Variants in ARHGEF15 observed in about 807,000 individuals in gnomAD.
The protein encoded by ARHGEF15 is Rho guanine nucleotide exchange factor 15.
ARHGEF15 carries 58 observed loss-of-function variants against 79.7 expected under a neutral mutation model. That is an observed-to-expected ratio of 0.73 (90% CI 0.59 to 0.91). The LOEUF is 0.91. Ranked by LOEUF, ARHGEF15 falls within the 40% of genes least tolerant of loss-of-function variation. The pLI is 0.00. For missense variants in ARHGEF15, 1,012 were observed against 1,108.1 expected (o/e 0.91, Z 1.23); for synonymous variants, 442 against 456.0 (o/e 0.97, Z 0.39).
intron 4 of ARHGEF15, among the ~76,000 whole-genome samples, chr17:8,314,206 A>C (rs1429660530): frequency 6.6e-6 from 1 of 152,150 alleles, no homozygotes; most frequent in East Asian, 1.9e-4. Context: ...CTTCTATTGC[A>C]ATTATTGTCC....
intron 9 of ARHGEF15, among the ~76,000 whole-genome samples, chr17:8,316,806 C>T (rs906230422): frequency 6.6e-6 from 1 of 152,146 alleles, no homozygotes; most frequent in South Asian, 2.1e-4. Context: ...TCTCCTTCTT[C>T]GAGACGGAGT....
rs748002368 is a variant in ARHGEF15, at chr17:8,318,511, G to T, written c.1779+50G>T. On this transcript the variant is annotated intron_variant, in intron 10 of 15. Coordinates refer to ENST00000361926, the MANE Select transcript of ARHGEF15 (RefSeq NM_173728.4). The surrounding 1 kb of genome is among the most constrained non-coding windows in gnomAD (Gnocchi z 5.0). ...GGGGGAGGTGACAAGGTGGTAGAGA[G>T]AAATGGTAGGGAGCAGGGGGCTGGC... The T allele has an allele frequency of 2.5e-6, 4 of 1,613,434 alleles. No homozygotes were observed. Among genetic ancestry groups the T allele is most frequent in the Middle Eastern group, 1.7e-4 (1 of 6,058 alleles).
Position 8,312,534 on chromosome 17 carries a change from T to C in ARHGEF15, c.495T>C (p.Ala165=), listed in dbSNP as rs1166741235. The C allele has an allele frequency of 1.2e-6, 2 of 1,610,022 alleles. No individual in the cohort carries two copies. Among genetic ancestry groups the C allele is most frequent in the East Asian group, 2.2e-5 (1 of 44,808 alleles). The change falls in exon 2 of 16, where the codon GCT becomes GCC. Residue 165 remains alanine (A), a synonymous_variant. Transcript: ENST00000361926. The part of the protein sequence containing the change: ...GRFEGGAEGR[A]QDADAPEPGL... Reference sequence around the variant, plus strand: ...TTGAAGGGGGTGCTGAAGGCCGGGCTCAGGATGCAGATGCCCCGGAGCCAG... The same window carrying C: ...TTGAAGGGGGTGCTGAAGGCCGGGCCCAGGATGCAGATGCCCCGGAGCCAG...
In ARHGEF15 at chr17:8,312,006, G is replaced by A. The variant is rs771754235; in HGVS notation, c.-34G>A. The A allele has an allele frequency of 1.4e-5, 21 of 1,531,932 alleles. No individual in the cohort carries two copies. The highest frequency in any genetic ancestry group is 1.8e-5 in the Non-Finnish European group (20 of 1,142,658). The allele number at this position is 1,531,932 out of a possible 1,614,324, so 94.9% of individuals were successfully genotyped here. A position where few individuals can be genotyped will look rare whatever the true frequency, so the allele number is the denominator to read the frequency against. On this transcript the variant is annotated 5_prime_UTR_variant, in exon 2 of 16. Coordinates refer to ENST00000361926, the MANE Select transcript of ARHGEF15 (RefSeq NM_173728.4). ...TCCTCCTCAGGGGATGACTCCAGCA[G>A]AGCACCTCACTCCTTTGAAGAGCAC...
chr17:8,314,376 G>A (rs1287807787), intron 4 of ARHGEF15, among the ~76,000 whole-genome samples: 2 of 152,134 alleles, frequency 1.3e-5, no homozygotes, highest in Non-Finnish European at 2.9e-5. Flanking sequence ...GGGTGTGGTG[G>A]TGCTGATGAC....
In ARHGEF15 at chr17:8,315,410, C is replaced by A; in HGVS notation, c.1261-4C>A. On this transcript the variant is annotated splice_polypyrimidine_tract_variant and splice_region_variant and intron_variant, in intron 6 of 15. Coordinates refer to ENST00000361926, the MANE Select transcript of ARHGEF15 (RefSeq NM_173728.4). This position sits in a 1 kb window ranked among gnomAD's most constrained non-coding sequence, Gnocchi z 4.3. The stretch of plus-strand genomic sequence containing the variant: ...TTCCCACGACTGCCTGCTTTTCTTT[C>A]TAGAGTCTTTTCGAGGTGGTGACGT... 6.2e-7 allele frequency: 1 copy of A among 1,613,982 alleles called. No homozygotes were observed.
rs765386914 is a variant in ARHGEF15, at chr17:8,312,013, T to C, written c.-27T>C. On this transcript the variant is annotated 5_prime_UTR_variant, in exon 2 of 16. Coordinates refer to ENST00000361926, the MANE Select transcript of ARHGEF15 (RefSeq NM_173728.4). ...CAGGGGATGACTCCAGCAGAGCACCTCACTCCTTTGAAGAGCACAGAGGAA... is the reference window on the plus strand; with the variant it reads ...CAGGGGATGACTCCAGCAGAGCACCCCACTCCTTTGAAGAGCACAGAGGAA... The C allele has an allele frequency of 1.3e-6, 2 of 1,546,338 alleles. No individual in the cohort carries two copies. The highest frequency in any genetic ancestry group is 2.0e-5 in the Admixed American group (1 of 50,160).
chr17:8,312,082 A>G lies in ARHGEF15; in HGVS notation c.43A>G (p.Lys15Glu). 9.5e-7 allele frequency: 1 copy of G among 1,057,260 alleles called. No homozygotes were observed. The highest frequency in any genetic ancestry group is 1.5e-5 in the South Asian group (1 of 65,300). The allele number at this position is 1,057,260 out of a possible 1,614,324, so 65.5% of individuals were successfully genotyped here. ...TCCTGCAGCAACACCCCCCACGCAG[A>G]AGCCCCCTCGGATCATCCGCCCCCG... ...SLPAATPPTQ[K>E]PPRIIRPRPP... is the part of the protein sequence containing the mutation. The change falls in exon 2 of 16, where the codon AAG (lysine) becomes GAG (glutamate). Residue 15 changes from lysine to glutamate, a missense_variant. Physicochemically the swap from Lys to Glu is moderately conservative, Grantham distance 56. Around this residue, in one of 3 missense-constraint regions of ARHGEF15, gnomAD observed 818 missense variants for 882.5 expected, o/e 0.93. Coordinates refer to ENST00000361926, the MANE Select transcript of ARHGEF15 (RefSeq NM_173728.4).
rs893447741 is a variant in ARHGEF15 at position 8,313,481 on chromosome 17, A to C, written c.935-20A>C. On this transcript the variant is annotated intron_variant, in intron 3 of 15. Coordinates refer to ENST00000361926, the MANE Select transcript of ARHGEF15 (RefSeq NM_173728.4). ...GATCCTGGAGTTTTTTTTTCTCTTC[A>C]CTCTGGCTTCTCTCTCCAGGGGACA... The C allele has an allele frequency of 5.0e-6, 8 of 1,603,252 alleles. No homozygotes were observed. The highest frequency in any genetic ancestry group is 6.8e-6 in the Non-Finnish European group (8 of 1,177,062).
rs763112475 is a variant in ARHGEF15 at position 8,315,574 on chromosome 17, G to A, written c.1421G>A (p.Arg474Gln). 3 of 1,607,432 alleles carry A rather than the reference G, an allele frequency of 1.9e-6. No individual in the cohort carries two copies. The African/African-American group carries it at 4.0e-5, about 21-fold the overall frequency. Residue 474 changes from arginine to glutamine, a missense_variant and splice_region_variant, in exon 7 of 16, where the codon CGG (arginine) becomes CAG (glutamine). Physicochemically the swap from Arg to Gln is conservative, Grantham distance 43. This residue lies in a region of ARHGEF15 where 818 missense variants were observed against 882.5 expected (regional missense o/e 0.93). Transcript: ENST00000361926. This position sits in a 1 kb window ranked among gnomAD's most constrained non-coding sequence, Gnocchi z 4.3. ...NVQRVQGVSERFLATLLSRVR... is the reference protein window; with the variant it reads ...NVQRVQGVSEQFLATLLSRVR... ...CAGCGAGTCCAGGGAGTCAGCGAGC[G>A]GTCAGTGGCTTTCCGTCCTTCCAGG...
intron 9 of ARHGEF15, among the ~76,000 whole-genome samples, chr17:8,316,852 G>A (rs566849851): frequency 6.4e-4 from 98 of 152,268 alleles, no homozygotes; most frequent in Middle Eastern, 3.4e-3. Flanking sequence ...GCGCAATATC[G>A]GCTCACTGCA....
chr17:8,320,704 C>T (rs563713123), intron 15 of ARHGEF15, 138 bp from the exon 16 acceptor site: 12 of 740,734 alleles, frequency 1.6e-5, no homozygotes, highest in Admixed American at 2.7e-5. Flanking sequence ...GATGCCCTTT[C>T]TACCGATGCT....
At chr17:8,313,850 T>C in intron 4 of ARHGEF15, 1 of 308,354 alleles carries the variant, frequency 3.2e-6, no homozygotes, top group Non-Finnish European at 5.9e-6. Context: ...GCTAACGTGG[T>C]GAAACCCTGT....
Position 8,319,514 on chromosome 17 carries a change from T to C in ARHGEF15, c.2285T>C (p.Leu762Pro), listed in dbSNP as rs575505122. 1 of 1,606,454 alleles carries C rather than the reference T, an allele frequency of 6.2e-7. No individual in the cohort carries two copies. Among genetic ancestry groups the C allele is most frequent in the Non-Finnish European group, 8.5e-7 (1 of 1,177,020 alleles). ...CCCCAACCAGACTGTTCCCAGGAAC[T>C]GTGTTCAGAGTCGTCTGCACCTGCC... Reference protein sequence around the residue: ...IYEDCDCSQELCSESSAPAKT... With the variant: ...IYEDCDCSQEPCSESSAPAKT... Residue 762 changes from leucine to proline, a missense_variant, in exon 15 of 16, where the codon CTG becomes CCG. Leu to Pro is a moderately conservative substitution (Grantham distance 98). Around this residue, in one of 3 missense-constraint regions of ARHGEF15, gnomAD observed 132 missense variants for 124.2 expected, o/e 1.06. Coordinates refer to ENST00000361926, the MANE Select transcript of ARHGEF15 (RefSeq NM_173728.4).
At chr17:8,311,482 G>A (rs2151634008) in intron 1 of ARHGEF15, among the ~76,000 whole-genome samples, 1 of 152,164 alleles carries the variant, frequency 6.6e-6, no homozygotes, top group South Asian at 2.1e-4. Flanking sequence ...AATCCGGAAA[G>A]GGAGAGTCCG....
rs868447593 is a variant in ARHGEF15 at position 8,312,179 on chromosome 17, C to A, written c.140C>A (p.Pro47His). 6.2e-7 allele frequency: 1 copy of A among 1,610,538 alleles called. No individual in the cohort carries two copies. The change falls in exon 2 of 16, where the codon CCC becomes CAC. Residue 47 changes from proline (P) to histidine (H), a missense_variant. By Grantham distance (77) the Pro-to-His change is moderately conservative. Transcript: ENST00000361926. ...AATGGCTCCTCTCCACAAGAACTAC[C>A]CCGAAACTCCAATGATGCACCAACC... is the stretch of plus-strand genomic sequence containing the variant. The part of the protein sequence containing the change: ...PHNGSSPQEL[P>H]RNSNDAPTPM...
intron 9 of ARHGEF15, among the ~76,000 whole-genome samples, chr17:8,316,749 G>T (rs920419336): frequency 2.0e-5 from 3 of 152,166 alleles, no homozygotes; most frequent in Admixed American, 2.0e-4. Flanking sequence ...GGAAAAAAAA[G>T]TTTGAGATTT....
In ARHGEF15 at chr17:8,315,928, G is replaced by C; in HGVS notation, c.1574+21G>C. 1 of 1,605,944 alleles carries C rather than the reference G, an allele frequency of 6.2e-7. No homozygotes were observed. The highest frequency in any genetic ancestry group is 8.5e-7 in the Non-Finnish European group (1 of 1,179,646). The stretch of plus-strand genomic sequence containing the variant: ...CTCATGTGAGTGTCCCAGGGGTGGG[G>C]AGGAAGCTGGGGAGAGGGATGGGAC... On this transcript the variant is annotated intron_variant, in intron 8 of 15. Transcript: ENST00000361926. The surrounding 1 kb of genome is among the most constrained non-coding windows in gnomAD (Gnocchi z 4.3).
intron 15 of ARHGEF15, among the ~76,000 whole-genome samples, chr17:8,320,190 C>T (rs532209051): frequency 1.3e-5 from 2 of 151,850 alleles, no homozygotes; most frequent in East Asian, 1.9e-4. Flanking sequence ...GCTGGAGCTA[C>T]GTTCTAGCAG....
Sources: allele counts gnomAD v4.1 joint callset (sites outside exome capture counted in the v4.1 genomes callset), GRCh38; gene constraint gnomAD v4.1.1; regional missense constraint gnomAD v4.1.1; non-coding constraint Gnocchi (gnomAD v3.1); transcripts MANE v1.5; gene names NCBI Gene and HGNC (gene_info 2026-07-23, HGNC 2026-07-21).